Variants in ERBB4 observed in about 807,000 individuals in gnomAD.
ERBB4 encodes receptor tyrosine-protein kinase erbB-4.
A neutral mutation model predicts 158.0 loss-of-function variants in ERBB4; 42 were observed. That is an observed-to-expected ratio of 0.27 (90% CI 0.21 to 0.34). ERBB4 has a LOEUF of 0.34. Ranked by LOEUF, ERBB4 falls within the 10% of genes least tolerant of loss-of-function variation. The pLI is 1.00. For synonymous variants in ERBB4, 583 were observed against 558.7 expected, an observed-to-expected ratio of 1.04 and a Z score of -0.61; for missense variants, 1,333 against 1,624.1, an observed-to-expected ratio of 0.82 and a Z score of 3.08.
intron 3 of ERBB4, among the ~76,000 whole-genome samples, chr2:211,836,571 G>A (rs2077347641): frequency 6.6e-6 from 1 of 152,042 alleles, no homozygotes; most frequent in Admixed American, 6.6e-5. Context: ...GAAAGCAGGT[G>A]TTCAGCATAA....
intron 4 of ERBB4, among the ~76,000 whole-genome samples, chr2:211,762,894 T>C (rs1224553948): frequency 1.3e-5 from 2 of 152,200 alleles, no homozygotes; most frequent in Admixed American, 1.3e-4. Flanking sequence ...GTCCTTCTAC[T>C]CCCACCATCA....
chr2:212,476,016 T>C (rs1013451414), intron 1 of ERBB4, among the ~76,000 whole-genome samples: 3 of 152,106 alleles, frequency 2.0e-5, no homozygotes, highest in African/African-American at 7.2e-5. Context: ...ATAGCAATTA[T>C]TCTTTGCCTA....
intron 1 of ERBB4, among the ~76,000 whole-genome samples, chr2:212,164,986 G>A (rs1292171792): frequency 2.0e-5 from 3 of 148,448 alleles, no homozygotes; most frequent in African/African-American, 5.3e-5. Context: ...TAATTGTCAA[G>A]TAACTTCAAA....
At chr2:211,413,701 A>AGTT (rs1260301046) in intron 25 of ERBB4, among the ~76,000 whole-genome samples, 1 of 152,036 alleles carries the variant, frequency 6.6e-6, no homozygotes, top group Non-Finnish European at 1.5e-5. Flanking sequence ...TAAGGAAAAA[A>AGTT]GTTATGCATA....
intron 3 of ERBB4, among the ~76,000 whole-genome samples, chr2:211,857,540 T>C (rs942516045): frequency 6.6e-6 from 1 of 152,138 alleles, no homozygotes; most frequent in Non-Finnish European, 1.5e-5. Context: ...GCATGGTTTC[T>C]GAATTTTAAT....
rs11332306 is a variant in ERBB4, at chr2:211,746,827, C to CAAA, written c.622+3809_622+3811dup. 3.9e-3 allele frequency among the ~76,000 whole-genome samples: 409 copies of CAAA among 105,604 alleles called. 2 individuals are homozygous for CAAA. The highest frequency in any genetic ancestry group is 0.011 in the African/African-American group (345 of 30,482). 69.3% of individuals were successfully genotyped at this position (105,604 alleles called of 152,430 possible). On this transcript the variant is annotated intron_variant, in intron 5 of 27. Transcript: ENST00000342788. ...CCTGGGTGACAGAGGGAGACTGTCTCAAAAAAAAAAAAAAAAAAAACCCTC... is the reference window on the plus strand; with the variant it reads ...CCTGGGTGACAGAGGGAGACTGTCTCAAAAAAAAAAAAAAAAAAAAAAACCCTC...
chr2:212,164,131 T>A (rs552294580), intron 1 of ERBB4, among the ~76,000 whole-genome samples: 8 of 151,934 alleles, frequency 5.3e-5, no homozygotes, highest in African/African-American at 1.9e-4. Context: ...AATAGGCTGA[T>A]GTTAGACATA....
intron 20 of ERBB4, among the ~76,000 whole-genome samples, chr2:211,463,046 G>A (rs776357734): frequency 6.6e-6 from 1 of 152,072 alleles, no homozygotes; most frequent in Non-Finnish European, 1.5e-5. Context: ...GAGTAAATTA[G>A]AAATAATTTA....
At chr2:212,514,779 TG>T (rs1691730906) in intron 1 of ERBB4, among the ~76,000 whole-genome samples, 1 of 152,196 alleles carries the variant, frequency 6.6e-6, no homozygotes, top group African/African-American at 2.4e-5. Flanking sequence ...TACTCCAGCC[TG>T]GTGACAGACC....
At chr2:212,303,235 T>C (rs1377158534) in intron 1 of ERBB4, among the ~76,000 whole-genome samples, 1 of 151,400 alleles carries the variant, frequency 6.6e-6, no homozygotes, top group Non-Finnish European at 1.5e-5. Context: ...TCTGTCTCCT[T>C]CAGTGCTTAA....
rs916269468 is a variant in ERBB4 at position 211,482,349 on chromosome 2, T to C, written c.2488-51249A>G. ...CACACTTCAGGAATCATCAAAGAAT[T>C]AGAAGGGTCATGCCTCAGTATTGGG... On this transcript the variant is annotated intron_variant, in intron 20 of 27. Transcript: ENST00000342788. 1.1e-4 allele frequency among the ~76,000 whole-genome samples: 17 copies of C among 152,334 alleles called. No individual in the cohort carries two copies. The East Asian group carries it at 3.3e-3, about 29-fold the overall frequency.
chr2:211,384,107 AT>A (rs1171703918), intron 27 of ERBB4, 47 bp from the exon 28 acceptor site: 1 of 1,405,064 alleles, frequency 7.1e-7, no homozygotes, highest in Non-Finnish European at 1.0e-6. Context: ...TCTGGAAAAT[AT>A]TAATCAGACC....
chr2:211,548,406 T>C (rs1458668362), intron 20 of ERBB4, among the ~76,000 whole-genome samples: 1 of 151,610 alleles, frequency 6.6e-6, no homozygotes, highest in Non-Finnish European at 1.5e-5. Flanking sequence ...AAAAGTAAGC[T>C]AGCCAATTCA....
chr2:211,391,814 T>C (rs1574397473), intron 25 of ERBB4, among the ~76,000 whole-genome samples: 2 of 152,218 alleles, frequency 1.3e-5, no homozygotes, highest in East Asian at 3.8e-4. Flanking sequence ...ATTTATTAAA[T>C]AGATGGACTG....
At chr2:211,410,811 G>T (rs1346131127) in intron 25 of ERBB4, among the ~76,000 whole-genome samples, 1 of 152,174 alleles carries the variant, frequency 6.6e-6, no homozygotes, top group East Asian at 1.9e-4. Context: ...AGTTTAATAA[G>T]ATATTATAAC....
intron 1 of ERBB4, among the ~76,000 whole-genome samples, chr2:212,200,496 T>C (rs1444156816): frequency 6.6e-6 from 1 of 152,068 alleles, no homozygotes; most frequent in East Asian, 1.9e-4. Flanking sequence ...CTGTATTAAT[T>C]AAAGTTAAGC....
At chr2:211,998,523 T>C (rs548786351) in intron 2 of ERBB4, among the ~76,000 whole-genome samples, 1 of 110,368 alleles carries the variant, frequency 9.1e-6, no homozygotes, top group East Asian at 2.2e-4. Flanking sequence ...ACTTAACTCA[T>C]ACTGCCAAAA....
intron 25 of ERBB4, among the ~76,000 whole-genome samples, chr2:211,419,804 C>T (rs2063477042): frequency 2.0e-5 from 3 of 152,008 alleles, no homozygotes; most frequent in East Asian, 3.8e-4. Context: ...ATGGATTTGA[C>T]AGCTTTCAAA....
At chr2:212,465,759 C>T (rs1688800628) in intron 1 of ERBB4, among the ~76,000 whole-genome samples, 1 of 152,174 alleles carries the variant, frequency 6.6e-6, no homozygotes, top group Non-Finnish European at 1.5e-5. Context: ...TAGTCATCCC[C>T]TGGCTATGTG....
Sources: allele counts gnomAD v4.1 joint callset (sites outside exome capture counted in the v4.1 genomes callset), GRCh38; gene constraint gnomAD v4.1.1; transcripts MANE v1.5; gene names NCBI Gene and HGNC (gene_info 2026-07-23, HGNC 2026-07-21).